The following MAPRE1 variants were observed in gnomAD, a reference collection of about 807,000 sequenced individuals.
MAPRE1 encodes the protein microtubule-associated protein RP/EB family member 1.
A neutral mutation model predicts 32.1 loss-of-function variants in MAPRE1; 5 were observed. The ratio of observed to expected loss-of-function variants is 0.16; its 90% CI spans 0.08 to 0.33. The LOEUF is 0.33. Ranked by LOEUF, MAPRE1 falls within the 10% of genes least tolerant of loss-of-function variation. The pLI is 1.00. For synonymous variants in MAPRE1, 122 were observed against 118.9 expected (o/e 1.03, Z -0.17); for missense variants, 209 against 327.2 (o/e 0.64, Z 2.79).
chr20:32,831,446 T>G (rs1306529878), intron 2 of MAPRE1, among the ~76,000 whole-genome samples: 1 of 152,042 alleles, frequency 6.6e-6, no homozygotes. Context: ...GTAACCAGTT[T>G]CATGCATAAG....
At position 32,836,774 on chromosome 20, in the gene MAPRE1, A is replaced by C. The variant is rs1324088611; in HGVS notation, c.408A>C (p.Ala136=). The change falls in exon 4 of 7, where the codon GCA becomes GCC. Residue 136 remains alanine (A), a synonymous_variant. Transcript: ENST00000375571. ...PVAARQGQET[A]VAPSLVAPAL... ...CTGCCAGACAAGGTCAAGAAACTGC[A>C]GTGGCTCCTTCCCTTGTTGCTCCAG... 1.2e-6 allele frequency: 2 copies of C among 1,614,180 alleles called. No homozygotes were observed.
intron 4 of MAPRE1, among the ~76,000 whole-genome samples, chr20:32,838,672 T>G (rs1983267674): frequency 6.6e-6 from 1 of 152,194 alleles, no homozygotes; most frequent in African/African-American, 2.4e-5. Context: ...TTTACCTGTT[T>G]AGAATGGGAA....
intron 4 of MAPRE1, among the ~76,000 whole-genome samples, chr20:32,837,159 A>G (rs1252056282): frequency 6.6e-6 from 1 of 152,248 alleles, no homozygotes; most frequent in Admixed American, 6.5e-5. Flanking sequence ...CTAGAAATCC[A>G]TCAGGCTAGC....
chr20:32,831,891 A>G (rs1169301196), intron 2 of MAPRE1, among the ~76,000 whole-genome samples: 5 of 149,010 alleles, frequency 3.4e-5, no homozygotes, highest in Admixed American at 6.8e-5. Context: ...CACTGTGGAT[A>G]TAGTTGCTGA....
chr20:32,839,320 G>T (rs1983289103), intron 4 of MAPRE1, among the ~76,000 whole-genome samples: 1 of 152,182 alleles, frequency 6.6e-6, no homozygotes, highest in African/African-American at 2.4e-5. Context: ...AGCTGGATTT[G>T]GTTTGTAGAT....
intron 1 of MAPRE1, among the ~76,000 whole-genome samples, chr20:32,821,786 G>T (rs182886660): frequency 1.3e-5 from 2 of 152,318 alleles, no homozygotes; most frequent in East Asian, 1.9e-4. Flanking sequence ...CGTTGAATTT[G>T]TATAGGTTTG....
chr20:32,846,579 T>C (rs1338020149), intron 5 of MAPRE1, 39 bp from the exon 6 acceptor site: 1 of 1,602,940 alleles, frequency 6.2e-7, no homozygotes, highest in African/African-American at 1.3e-5. Flanking sequence ...ATTGCCATAC[T>C]AATGCCAAGC....
intron 6 of MAPRE1, 127 bp downstream of exon 6, chr20:32,846,897 C>G: frequency 1.0e-6 from 1 of 985,448 alleles, no homozygotes; most frequent in Non-Finnish European, 1.5e-6. Context: ...CCCTCAAAGT[C>G]AGCCAGAGGG....
intron 4 of MAPRE1, 34 bp from the exon 5 acceptor site, chr20:32,839,701 A>T: frequency 6.2e-7 from 1 of 1,610,644 alleles, no homozygotes; most frequent in South Asian, 1.1e-5. Flanking sequence ...GGCTGGAATT[A>T]CTCCTTTTCA....
In MAPRE1 at chr20:32,839,792, G is replaced by T. The variant is rs773256853; in HGVS notation, c.533G>T (p.Gly178Val). 1 of 1,614,218 alleles carries T rather than the reference G, an allele frequency of 6.2e-7. No homozygotes were observed. Among genetic ancestry groups the T allele is most frequent in the African/African-American group, 1.3e-5 (1 of 75,064 alleles). Residue 178 changes from glycine (G) to valine (V), a missense_variant, in exon 5 of 7, where the codon GGT becomes GTT. Physicochemically the swap from Gly to Val is moderately radical, Grantham distance 109. Around this residue, in one of 3 missense-constraint regions of MAPRE1, gnomAD observed 106 missense variants for 115.3 expected, o/e 0.92. Coordinates refer to ENST00000375571, the MANE Select transcript of MAPRE1 (RefSeq NM_012325.3). The part of the protein sequence containing the change: ...RTAAAPKAGP[G>V]VVRKNPGVGN... The stretch of plus-strand genomic sequence containing the variant: ...GCTGCGGCTCCTAAGGCTGGCCCTG[G>T]TGTGGTGCGAAAGAACCCTGGTGTG...
intron 3 of MAPRE1, 38 bp from the exon 4 acceptor site, chr20:32,836,596 C>T (rs756925852): frequency 6.4e-5 from 80 of 1,255,928 alleles, no homozygotes; most frequent in Non-Finnish European, 9.0e-5. Flanking sequence ...TTGCCAAAAG[C>T]CTCTTTTTTG....
chr20:32,837,719 G>T (rs761356745), intron 4 of MAPRE1, among the ~76,000 whole-genome samples: 5 of 152,166 alleles, frequency 3.3e-5, no homozygotes, highest in Non-Finnish European at 7.4e-5. Flanking sequence ...AAGTTAAACG[G>T]TTTTTAATAT....
chr20:32,846,021 A>G (rs1172143047), intron 5 of MAPRE1, among the ~76,000 whole-genome samples: 3 of 152,218 alleles, frequency 2.0e-5, no homozygotes, highest in African/African-American at 7.2e-5. Context: ...ACTGGAATGA[A>G]GATGCCCCAT....
intron 1 of MAPRE1, among the ~76,000 whole-genome samples, chr20:32,825,312 C>T (rs73904048): frequency 2.2e-3 from 330 of 152,290 alleles, no homozygotes; most frequent in African/African-American, 7.4e-3. Flanking sequence ...CTTACTCATC[C>T]CTTTATTTAG....
chr20:32,836,795 T>C lies in MAPRE1; in HGVS notation c.429T>C (p.Ala143=). 6.2e-7 allele frequency: 1 copy of C among 1,614,134 alleles called. No homozygotes were observed. Among genetic ancestry groups the C allele is most frequent in the Non-Finnish European group, 8.5e-7 (1 of 1,180,014 alleles). Residue 143 remains alanine, a synonymous_variant, in exon 4 of 7, where the codon GCT becomes GCC. Coordinates refer to ENST00000375571, the MANE Select transcript of MAPRE1 (RefSeq NM_012325.3). Reference sequence around the variant, plus strand: ...CTGCAGTGGCTCCTTCCCTTGTTGCTCCAGCTCTGAATAAACCGAAGAAAC... The same window carrying C: ...CTGCAGTGGCTCCTTCCCTTGTTGCCCCAGCTCTGAATAAACCGAAGAAAC... The part of the protein sequence containing the change: ...QETAVAPSLV[A]PALNKPKKPL...
intron 2 of MAPRE1, among the ~76,000 whole-genome samples, chr20:32,827,061 T>G (rs1192120415): frequency 1.3e-5 from 2 of 152,182 alleles, no homozygotes; most frequent in Non-Finnish European, 2.9e-5. Flanking sequence ...CAAATATCAT[T>G]TCAGCCACAA....
chr20:32,829,819 TTTCAG>T (rs1433097841), intron 2 of MAPRE1, among the ~76,000 whole-genome samples: 1 of 152,208 alleles, frequency 6.6e-6, no homozygotes, highest in Non-Finnish European at 1.5e-5. Context: ...CAAGGATAAC[TTTCAG>T]TGAAAGATTT....
At chr20:32,838,789 A>G (rs1297967427) in intron 4 of MAPRE1, among the ~76,000 whole-genome samples, 1 of 152,250 alleles carries the variant, frequency 6.6e-6, no homozygotes, top group Non-Finnish European at 1.5e-5. Context: ...AGAGAGAGTC[A>G]TCCAGAGGAA....
At chr20:32,846,353 CCTT>C (rs1223178111) in intron 5 of MAPRE1, among the ~76,000 whole-genome samples, 1 of 152,188 alleles carries the variant, frequency 6.6e-6, no homozygotes, top group East Asian at 1.9e-4. Context: ...AGTTTTTTCT[CCTT>C]AATCCTTTTT....
Sources: gnomAD v4.1 joint callset for allele counts (sites outside exome capture counted in the v4.1 genomes callset) on GRCh38, gnomAD v4.1.1 for gene constraint, gnomAD v4.1.1 regional missense constraint, MANE v1.5 for transcripts, NCBI Gene and HGNC (gene_info 2026-07-23, HGNC 2026-07-21) for gene names.